BNC2: variants seen among roughly 807,000 people sequenced by gnomAD.
BNC2 encodes zinc finger protein basonuclin-2.
In BNC2, 20 loss-of-function variants were observed where a neutral mutation model predicts 76.3. The observed-to-expected ratio is 0.26, with a 90% confidence interval of 0.18 to 0.38. BNC2 has a LOEUF of 0.38. Among genes scored for constraint, BNC2 ranks in the 10% least tolerant of loss-of-function variants. The probability of loss-of-function intolerance (pLI) is 1.00; values close to 1 mark genes in which losing one functional copy is unlikely to be tolerated. For synonymous variants in BNC2, 582 were observed against 514.8 expected, an observed-to-expected ratio of 1.13 and a Z score of -1.77; for missense variants, 1,382 against 1,399.8, an observed-to-expected ratio of 0.99 and a Z score of 0.20.
At chr9:16,808,616 G>A (rs922059103) in intron 1 of BNC2, among the ~76,000 whole-genome samples, 1 of 150,094 alleles carries the variant, frequency 6.7e-6, no homozygotes, top group Non-Finnish European at 1.5e-5. Context: ...GGCCTCCTGA[G>A]TAACTGGGAC....
intron 3 of BNC2, among the ~76,000 whole-genome samples, chr9:16,695,566 G>C (rs1823314168): frequency 6.7e-6 from 1 of 148,260 alleles, no homozygotes; most frequent in Non-Finnish European, 1.5e-5. Context: ...TAAAAATGGG[G>C]GTCTTGCTAA....
At chr9:16,471,294 T>C (rs1466482122) in intron 5 of BNC2, among the ~76,000 whole-genome samples, 4 of 113,278 alleles carry the variant, frequency 3.5e-5, no homozygotes, top group African/African-American at 1.7e-4. Context: ...TGCTTTTGAT[T>C]TTTTTTTTTT....
intron 1 of BNC2, among the ~76,000 whole-genome samples, chr9:16,831,333 A>G (rs73649043): frequency 0.027 from 4,090 of 152,312 alleles, 171 homozygotes; most frequent in African/African-American, 0.093. Flanking sequence ...ATGAGCTTCA[A>G]TGACCATTTT....
chr9:16,793,499 G>T (rs978203989), intron 1 of BNC2, among the ~76,000 whole-genome samples: 1 of 151,606 alleles, frequency 6.6e-6, no homozygotes, highest in Non-Finnish European at 1.5e-5. Context: ...TATTTTTTTT[G>T]ACAGGGTCTC....
Position 16,541,445 on chromosome 9 carries a change from C to G in BNC2, c.669+11085G>C, listed in dbSNP as rs78747443. 7.7e-4 allele frequency among the ~76,000 whole-genome samples: 117 copies of G among 152,260 alleles called. 1 individual carries two copies. The East Asian group carries it at 0.021, about 28-fold the overall frequency. ...GGCTACTGCAAGACAGACATTCCCT[C>G]ACATGTCAATACGTGGAAAAGCAGA... On this transcript the variant is annotated intron_variant, in intron 5 of 6. Transcript: ENST00000380672.
At chr9:16,522,268 A>C (rs1817643237) in intron 5 of BNC2, among the ~76,000 whole-genome samples, 1 of 152,202 alleles carries the variant, frequency 6.6e-6, no homozygotes, top group African/African-American at 2.4e-5. Flanking sequence ...AATGTTCTAC[A>C]AGGACAAAAC....
intron 3 of BNC2, among the ~76,000 whole-genome samples, chr9:16,726,324 A>T (rs1000179935): frequency 6.6e-6 from 1 of 152,186 alleles, no homozygotes; most frequent in Non-Finnish European, 1.5e-5. Context: ...CCTCTACAGG[A>T]TATGTCAAAA....
In BNC2 at chr9:16,803,312, C is replaced by T. The variant is rs560976924; in HGVS notation, c.4-64827G>A. ...AAATCCTGCTGGAAATGTTTTAGCCCTCAACTTTAGTCATGCTATATTTCA... is the reference window on the plus strand; with the variant it reads ...AAATCCTGCTGGAAATGTTTTAGCCTTCAACTTTAGTCATGCTATATTTCA... On this transcript the variant is annotated intron_variant, in intron 1 of 6. Transcript: ENST00000380672. 3.3e-5 allele frequency among the ~76,000 whole-genome samples: 5 copies of T among 152,282 alleles called. No homozygotes were observed. The East Asian group carries it at 9.7e-4, about 29-fold the overall frequency.
chr9:16,746,572 G>A (rs1022166827), intron 1 of BNC2, among the ~76,000 whole-genome samples: 1 of 151,492 alleles, frequency 6.6e-6, no homozygotes, highest in African/African-American at 2.4e-5. Flanking sequence ...CACCATGTTG[G>A]CAGACTGGTC....
At chr9:16,685,085 T>A (rs1409850175) in intron 3 of BNC2, among the ~76,000 whole-genome samples, 1 of 152,186 alleles carries the variant, frequency 6.6e-6, no homozygotes, top group African/African-American at 2.4e-5. Context: ...CTCACATATA[T>A]CCCAAAAGTC....
At chr9:16,551,710 C>T (rs1270005785) in intron 5 of BNC2, among the ~76,000 whole-genome samples, 1 of 152,204 alleles carries the variant, frequency 6.6e-6, no homozygotes, top group Non-Finnish European at 1.5e-5. Context: ...TCAACATTGA[C>T]CCCTCAAGGG....
intron 1 of BNC2, among the ~76,000 whole-genome samples, chr9:16,855,695 G>A (rs949475402): frequency 6.6e-6 from 1 of 151,258 alleles, no homozygotes; most frequent in Non-Finnish European, 1.5e-5. Context: ...CCGCGACCAC[G>A]CCCGGCTGAT....
chr9:16,795,940 C>G (rs1299111218), intron 1 of BNC2, among the ~76,000 whole-genome samples: 1 of 152,182 alleles, frequency 6.6e-6, no homozygotes, highest in African/African-American at 2.4e-5. Context: ...CAAGAGCAAG[C>G]CACTTTCAGG....
chr9:16,485,111 GACACACACACAC>G (rs58432278), intron 5 of BNC2, among the ~76,000 whole-genome samples: 10 of 143,560 alleles, frequency 7.0e-5, no homozygotes, highest in Admixed American at 1.4e-4. Context: ...GACACACACA[GACACACACACAC>G]ACACACACTA....
At chr9:16,587,612 C>T (rs545285550) in intron 3 of BNC2, among the ~76,000 whole-genome samples, 3 of 152,136 alleles carry the variant, frequency 2.0e-5, no homozygotes, top group Non-Finnish European at 4.4e-5. Context: ...GAGATCCACA[C>T]GGTTGATTGC....
intron 3 of BNC2, among the ~76,000 whole-genome samples, chr9:16,712,277 A>G (rs1823872621): frequency 1.3e-5 from 2 of 152,212 alleles, no homozygotes; most frequent in Non-Finnish European, 2.9e-5. Flanking sequence ...TCAGTAAGTA[A>G]ATTGTGAGTA....
At chr9:16,543,600 T>C (rs1175907565) in intron 5 of BNC2, among the ~76,000 whole-genome samples, 2 of 152,212 alleles carry the variant, frequency 1.3e-5, no homozygotes, top group Non-Finnish European at 2.9e-5. Context: ...TGGTAAGCCA[T>C]ATATTTTTAT....
intron 1 of BNC2, among the ~76,000 whole-genome samples, chr9:16,845,621 C>T (rs200761418): frequency 5.9e-5 from 9 of 151,892 alleles, no homozygotes; most frequent in East Asian, 3.9e-4. Flanking sequence ...CTTGGGAGGC[C>T]GAGGCAGGAG....
chr9:16,716,316 T>A (rs1430479694), intron 3 of BNC2, among the ~76,000 whole-genome samples: 1 of 152,218 alleles, frequency 6.6e-6, no homozygotes, highest in Admixed American at 6.5e-5. Context: ...TATGCCACCA[T>A]CTGACATTTA....
Sources: allele counts gnomAD v4.1 joint callset (sites outside exome capture counted in the v4.1 genomes callset), GRCh38; gene constraint gnomAD v4.1.1; transcripts MANE v1.5; gene names NCBI Gene and HGNC (gene_info 2026-07-23, HGNC 2026-07-21).